Variants in TPH1 observed in about 807,000 individuals in gnomAD.
TPH1 encodes the protein tryptophan hydroxylase 1, also known as tryptophan 5-hydroxylase 1.
In TPH1, 37 loss-of-function variants were observed where a neutral mutation model predicts 49.5. The observed-to-expected ratio is 0.75, with a 90% confidence interval of 0.58 to 0.98. The LOEUF (loss-of-function observed/expected upper bound fraction) is 0.98. TPH1 is among the 50% of genes least tolerant of loss of function. The probability of loss-of-function intolerance (pLI) is 0.00; values close to 1 mark genes in which losing one functional copy is unlikely to be tolerated. For synonymous variants in TPH1, 160 were observed against 182.1 expected (o/e 0.88, Z 0.98); for missense variants, 487 against 523.6 (o/e 0.93, Z 0.68).
Position 18,036,068 on chromosome 11 carries a change from A to G in TPH1, c.192T>C (p.Val64=). Residue 64 remains valine (V), a synonymous_variant, in exon 3 of 11, where the codon GTT becomes GTC. Transcript: ENST00000682019. ...KRRNSEFEIF[V]DCDINREQLN... ...ATTGTTCTCTGTTGATGTCACAGTC[A>G]ACAAAAATCTCAAATTCTGAGTTTC... 6.2e-7 allele frequency: 1 copy of G among 1,613,308 alleles called. No homozygotes were observed. The highest frequency in any genetic ancestry group is 8.5e-7 in the Non-Finnish European group (1 of 1,179,820).
intron 2 of TPH1, among the ~76,000 whole-genome samples, chr11:18,038,064 T>G (rs772021395): frequency 2.6e-5 from 4 of 152,102 alleles, no homozygotes; most frequent in African/African-American, 7.2e-5. Context: ...CACAAATACA[T>G]TGGGAAGACG....
At chr11:18,028,284 A>G (rs1358718004) in intron 6 of TPH1, among the ~76,000 whole-genome samples, 1 of 152,218 alleles carries the variant, frequency 6.6e-6, no homozygotes, top group Non-Finnish European at 1.5e-5. Flanking sequence ...AAATTATAAA[A>G]TCTTAATGTG....
chr11:18,028,405 C>G (rs868685272), intron 6 of TPH1, among the ~76,000 whole-genome samples: 2 of 152,174 alleles, frequency 1.3e-5, no homozygotes, highest in African/African-American at 2.4e-5. Context: ...TCTCATCAGC[C>G]TATTCTATTT....
In TPH1 at chr11:18,021,003, C is replaced by T. The variant is rs1854354652; in HGVS notation, c.1323G>A (p.Lys441=). The T allele has an allele frequency of 6.2e-7, 1 of 1,613,894 alleles. No homozygotes were observed. The highest frequency in any genetic ancestry group is 1.3e-5 in the African/African-American group (1 of 74,902). Residue 441 remains lysine, a synonymous_variant, in exon 11 of 11, where the codon AAG becomes AAA. Coordinates refer to ENST00000682019, the MANE Select transcript of TPH1 (RefSeq NM_004179.3). The part of the protein sequence containing the change: ...VSDALAKVSR[K]PSI Reference sequence around the variant, plus strand: ...TGACTGGCTACTGTTAGATACTCGGCTTCCTGCTGACCTTAGCAAGGGCAT... The same window carrying T: ...TGACTGGCTACTGTTAGATACTCGGTTTCCTGCTGACCTTAGCAAGGGCAT...
At chr11:18,033,513 T>C (rs1848013358) in intron 3 of TPH1, 139 bp from the exon 4 acceptor site, 5 of 688,018 alleles carry the variant, frequency 7.3e-6, no homozygotes, top group Non-Finnish European at 1.2e-5. Flanking sequence ...GCAAGATTTA[T>C]ATGAGTTAGG....
chr11:18,027,460 C>A (rs542860241), intron 6 of TPH1, among the ~76,000 whole-genome samples: 3 of 152,320 alleles, frequency 2.0e-5, no homozygotes, highest in Non-Finnish European at 4.4e-5. Context: ...GACTGAGGAA[C>A]CAAACTCTTG....
intron 6 of TPH1, among the ~76,000 whole-genome samples, chr11:18,028,223 T>G (rs1388090345): frequency 6.6e-6 from 1 of 152,208 alleles, no homozygotes; most frequent in African/African-American, 2.4e-5. Flanking sequence ...GGAACAAAAT[T>G]GTCCTTACCC....
intron 4 of TPH1, among the ~76,000 whole-genome samples, chr11:18,029,782 A>G (rs1053021098): frequency 1.3e-5 from 2 of 152,200 alleles, no homozygotes; most frequent in African/African-American, 4.8e-5. Context: ...AGTAGCTACA[A>G]AGATAAAAGA....
chr11:18,029,213 G>A lies in TPH1; in HGVS notation c.619C>T (p.Arg207Trp), dbSNP rs139617975. 67 of 1,613,378 alleles carry A rather than the reference G, an allele frequency of 4.2e-5. No homozygotes were observed. Among genetic ancestry groups the A allele is most frequent in the African/African-American group, 3.9e-4 (29 of 74,752 alleles). The change falls in exon 6 of 11, where the codon CGG becomes TGG. Residue 207 changes from arginine (R) to tryptophan (W), a missense_variant. Transcript: ENST00000682019. ...TCCAATTGTGGGATATTATCCTCCC[G>A]ATATCCACAATATTTAGAAAGCAAA... ...LPLLSKYCGY[R>W]EDNIPQLEDV... is the part of the protein sequence containing the mutation.
intron 1 of TPH1, among the ~76,000 whole-genome samples, 43 bp downstream of exon 1, chr11:18,046,198 G>C (rs532053806): frequency 1.2e-3 from 181 of 152,214 alleles, no homozygotes; most frequent in East Asian, 4.6e-3. Flanking sequence ...CCAAAGCCTC[G>C]ACGGCGGTCC....
intron 7 of TPH1, 85 bp downstream of exon 7, chr11:18,026,393 CAAAAAAAAAAAA>C (rs57335932): frequency 2.7e-5 from 16 of 588,764 alleles, no homozygotes; most frequent in African/African-American, 1.0e-4. Context: ...CCTCGCACAC[CAAAAAAAAAAAA>C]AAAAAAAAAA....
chr11:18,039,272 G>A (rs56017711), intron 2 of TPH1, among the ~76,000 whole-genome samples: 4,378 of 152,188 alleles, frequency 0.029, 199 homozygotes, highest in African/African-American at 0.1. Context: ...ACCATCCTAA[G>A]CATTTTAGAG....
At chr11:18,045,168 G>T (rs964613394) in intron 1 of TPH1, among the ~76,000 whole-genome samples, 13 of 152,224 alleles carry the variant, frequency 8.5e-5, no homozygotes, top group Non-Finnish European at 1.3e-4. Flanking sequence ...CATGGATATT[G>T]TTTGAAGACA....
At chr11:18,029,066 A>G (rs1847956109) in intron 6 of TPH1, 99 bp downstream of exon 6, 1 of 852,066 alleles carries the variant, frequency 1.2e-6, no homozygotes, top group African/African-American at 1.8e-5. Context: ...GGCAACAGAA[A>G]GAGAGACTCT....
intron 2 of TPH1, among the ~76,000 whole-genome samples, chr11:18,039,392 C>T (rs143874683): frequency 1.6e-4 from 25 of 152,194 alleles, no homozygotes; most frequent in African/African-American, 5.5e-4. Context: ...CCACGATCAC[C>T]CAGGTAATAA....
rs1347366636 is a variant in TPH1 at position 18,019,647 on chromosome 11, A to G, written c.*1344T>C. The G allele has an allele frequency of 2.2e-6, 1 of 455,582 alleles. No homozygotes were observed. Among genetic ancestry groups the G allele is most frequent in the Non-Finnish European group, 4.4e-6 (1 of 227,610 alleles). The allele number at this position is 455,582 out of a possible 1,614,324, so 28.2% of individuals were successfully genotyped here. Reference sequence around the variant, plus strand: ...AGGAGTCATTCAAAATAAGAACTGAAGTCATGTATCTGGGTGACATTCCCC... The same window carrying G: ...AGGAGTCATTCAAAATAAGAACTGAGGTCATGTATCTGGGTGACATTCCCC... On this transcript the variant is annotated 3_prime_UTR_variant, in exon 11 of 11. Coordinates refer to ENST00000682019, the MANE Select transcript of TPH1 (RefSeq NM_004179.3).
intron 4 of TPH1, among the ~76,000 whole-genome samples, chr11:18,032,792 C>T (rs1346158163): frequency 1.3e-5 from 2 of 151,792 alleles, no homozygotes; most frequent in Non-Finnish European, 2.9e-5. Context: ...GTGATCCACC[C>T]GCATCGGCCT....
At position 18,020,800 on chromosome 11, in the gene TPH1, CA is replaced by C; in HGVS notation, c.*190del. On this transcript the variant is annotated 3_prime_UTR_variant, in exon 11 of 11. Coordinates refer to ENST00000682019, the MANE Select transcript of TPH1 (RefSeq NM_004179.3). Reference sequence around the variant, plus strand: ...AAAAAAAAAAAGAAATAAAACTAAACAAAAAAATAAGTGGTAAATAGAATAT... The same window carrying C: ...AAAAAAAAAAAGAAATAAAACTAAACAAAAAATAAGTGGTAAATAGAATAT... The C allele has an allele frequency of 1.8e-6, 1 of 547,078 alleles. No individual in the cohort carries two copies. Among genetic ancestry groups the C allele is most frequent in the Non-Finnish European group, 3.2e-6 (1 of 310,722 alleles). The allele number at this position is 547,078 out of a possible 1,614,324, so 33.9% of individuals were successfully genotyped here. A position where few individuals can be genotyped will look rare whatever the true frequency, so the allele number is the denominator to read the frequency against.
rs1590257983 is a variant in TPH1, at chr11:18,020,079, T to C, written c.*912A>G. Reference sequence around the variant, plus strand: ...ATCTATCTCAGTTTGAACTCTTCCTTTGATAACAATGCTTCCTGTTAATCT... The same window carrying C: ...ATCTATCTCAGTTTGAACTCTTCCTCTGATAACAATGCTTCCTGTTAATCT... On this transcript the variant is annotated 3_prime_UTR_variant, in exon 11 of 11. Transcript: ENST00000682019. 1 of 215,720 alleles carries C rather than the reference T, an allele frequency of 4.6e-6. No individual in the cohort carries two copies. Among genetic ancestry groups the C allele is most frequent in the East Asian group, 1.3e-4 (1 of 7,632 alleles). 13.4% of individuals were successfully genotyped at this position (215,720 alleles called of 1,614,324 possible).
Sources: gnomAD v4.1 joint callset for allele counts (sites outside exome capture counted in the v4.1 genomes callset) on GRCh38, gnomAD v4.1.1 for gene constraint, MANE v1.5 for transcripts, NCBI Gene and HGNC (gene_info 2026-07-23, HGNC 2026-07-21) for gene names.